The following RIOX2 variants were observed in gnomAD, a reference collection of about 807,000 sequenced individuals.
RIOX2 encodes ribosomal oxygenase 2.
RIOX2 carries 43 observed loss-of-function variants against 51.2 expected under a neutral mutation model. The ratio of observed to expected loss-of-function variants is 0.84; its 90% CI spans 0.66 to 1.08. The LOEUF (loss-of-function observed/expected upper bound fraction) is 1.08, where lower values mean the gene tolerates loss of function less well. RIOX2 is among the 50% of genes least tolerant of loss of function. The pLI, the probability that RIOX2 is intolerant of heterozygous loss-of-function variation, is 0.00. For missense variants in RIOX2, 566 were observed against 561.7 expected (o/e 1.01, Z -0.08); for synonymous variants, 226 against 218.5 (o/e 1.03, Z -0.30).
intron 3 of RIOX2, 94 bp from the exon 4 acceptor site, chr3:97,959,273 G>A (rs1705576049): frequency 1.3e-6 from 1 of 744,000 alleles, no homozygotes; most frequent in Non-Finnish European, 2.0e-6. Context: ...GGGGCTAATA[G>A]ACAAATATAT....
intron 1 of RIOX2, among the ~76,000 whole-genome samples, chr3:97,970,667 C>A (rs969320417): frequency 6.6e-6 from 1 of 152,156 alleles, no homozygotes; most frequent in Non-Finnish European, 1.5e-5. Flanking sequence ...GTAAATATTT[C>A]TGTAAAATCA....
intron 5 of RIOX2, chr3:97,951,231 TGA>T (rs886390260): frequency 9.0e-6 from 2 of 222,352 alleles, no homozygotes; most frequent in Admixed American, 1.1e-4. Flanking sequence ...AAAGTGTCTA[TGA>T]GGGGAGATTT....
chr3:97,965,702 C>CG (rs954602872), intron 2 of RIOX2, among the ~76,000 whole-genome samples: 3 of 152,086 alleles, frequency 2.0e-5, no homozygotes, highest in African/African-American at 7.2e-5. Context: ...AAAAGCCCTG[C>CG]GGGGGATGAT....
At chr3:97,965,528 G>C (rs948552177) in intron 2 of RIOX2, among the ~76,000 whole-genome samples, 7 of 145,318 alleles carry the variant, frequency 4.8e-5, no homozygotes, top group Admixed American at 2.7e-4. Flanking sequence ...AAAAAAAAAA[G>C]GCACATCCTA....
Position 97,945,796 on chromosome 3 carries a change from A to T in RIOX2, c.1239+2T>A, listed in dbSNP as rs754900434. 4.6e-5 allele frequency: 74 copies of T among 1,603,512 alleles called. No homozygotes were observed. In the Admixed American group the frequency reaches 1.2e-3, roughly 27 times the overall value. On this transcript the variant is annotated splice_donor_variant, in intron 9 of 9. Transcript: ENST00000394198. LOFTEE classifies it high-confidence loss of function. ...AGGCATTTGTTTTCAGTTGAAACAAACCTCTGTTTCCTCCTCATTTCCCAT... is the reference window on the plus strand; with the variant it reads ...AGGCATTTGTTTTCAGTTGAAACAATCCTCTGTTTCCTCCTCATTTCCCAT...
At chr3:97,966,216 TGAC>T (rs1173310511) in intron 2 of RIOX2, among the ~76,000 whole-genome samples, 1 of 152,200 alleles carries the variant, frequency 6.6e-6, no homozygotes, top group Non-Finnish European at 1.5e-5. Flanking sequence ...TATTGGTAAC[TGAC>T]GACAGAGCCC....
At chr3:97,952,887 T>G (rs1307800562) in intron 5 of RIOX2, among the ~76,000 whole-genome samples, 1 of 152,092 alleles carries the variant, frequency 6.6e-6, no homozygotes, top group Non-Finnish European at 1.5e-5. Context: ...TAATACAAAC[T>G]TGGGCCTTCT....
At position 97,944,495 on chromosome 3, in the gene RIOX2, T is replaced by C. The variant is rs1308159051; in HGVS notation, c.*689A>G. The C allele has an allele frequency of 5.3e-5, 8 of 152,380 alleles. No homozygotes were observed. The highest frequency in any genetic ancestry group is 8.8e-5 in the Non-Finnish European group (6 of 67,908). 9.4% of individuals were successfully genotyped at this position (152,380 alleles called of 1,614,324 possible). A position where few individuals can be genotyped will look rare whatever the true frequency, so the allele number is the denominator to read the frequency against. The stretch of plus-strand genomic sequence containing the variant: ...TTCTCCAATGATATTTTAAAAAATA[T>C]CAACCTACATGCACTTTAGAATGTA... On this transcript the variant is annotated 3_prime_UTR_variant, in exon 10 of 10. Transcript: ENST00000394198.
chr3:97,942,644 G>T lies in RIOX2; in HGVS notation c.*2540C>A. On this transcript the variant is annotated 3_prime_UTR_variant, in exon 10 of 10. Transcript: ENST00000394198. ...CCAAACAACAAAGCTTAGGGTTTTTGTTCATTAGTACAGTTGTAAAACTTT... is the reference window on the plus strand; with the variant it reads ...CCAAACAACAAAGCTTAGGGTTTTTTTTCATTAGTACAGTTGTAAAACTTT... The T allele has an allele frequency of 2.0e-6, 1 of 491,988 alleles. No individual in the cohort carries two copies. The highest frequency in any genetic ancestry group is 3.5e-6 in the Non-Finnish European group (1 of 281,704). 30.5% of individuals were successfully genotyped at this position (491,988 alleles called of 1,614,324 possible). A position where few individuals can be genotyped will look rare whatever the true frequency, so the allele number is the denominator to read the frequency against.
At chr3:97,955,075 T>A (rs910149871) in intron 4 of RIOX2, among the ~76,000 whole-genome samples, 2 of 152,064 alleles carry the variant, frequency 1.3e-5, no homozygotes, top group Admixed American at 1.3e-4. Context: ...TATCCGCCAG[T>A]CCCCCACTTC....
intron 2 of RIOX2, among the ~76,000 whole-genome samples, chr3:97,962,351 C>A: frequency 2.2e-5 from 2 of 91,626 alleles, no homozygotes; most frequent in Admixed American, 1.3e-4. Context: ...GTTTGGAATG[C>A]TAAGACCCCC....
chr3:97,947,755 G>A (rs1411030648), intron 7 of RIOX2, among the ~76,000 whole-genome samples: 1 of 152,126 alleles, frequency 6.6e-6, no homozygotes, highest in Non-Finnish European at 1.5e-5. Flanking sequence ...TAAGGCTGTG[G>A]TGCTTTCTGC....
intron 5 of RIOX2, among the ~76,000 whole-genome samples, chr3:97,953,590 C>T (rs955277191): frequency 6.6e-6 from 1 of 152,062 alleles, no homozygotes; most frequent in African/African-American, 2.4e-5. Context: ...ACCATGTTGG[C>T]CAGGCTGGTC....
rs1273057328 is a variant in RIOX2 at position 97,964,722 on chromosome 3, GAA to G, written c.432+2438_432+2439del. ...AAAAAAAAAAAAAAAAAAAAAAAAA[GAA>G]GGAAAGAAAAAAAAGAAAATGGAAC... On this transcript the variant is annotated intron_variant, in intron 2 of 9. Transcript: ENST00000394198. Among the ~76,000 whole-genome samples the G allele has an allele frequency of 2.8e-4, 14 of 49,424 alleles. No homozygotes were observed. In the East Asian group the frequency reaches 0.017, roughly 60 times the overall value. 32.4% of individuals were successfully genotyped at this position (49,424 alleles called of 152,430 possible).
intron 3 of RIOX2, among the ~76,000 whole-genome samples, chr3:97,959,783 C>T (rs764946310): frequency 2.5e-4 from 38 of 152,144 alleles, no homozygotes; most frequent in Non-Finnish European, 5.1e-4. Context: ...AGATACTAGT[C>T]TATCATCTAC....
At chr3:97,946,602 A>ATATATATATATATATATATATATATC (rs1028298878) in intron 8 of RIOX2, among the ~76,000 whole-genome samples, 4 of 137,334 alleles carry the variant, frequency 2.9e-5, no homozygotes, top group African/African-American at 1.1e-4. Context: ...ATATATATAT[A>ATATATATATATATATATATATATATC]TATATCTATT....
Position 97,945,254 on chromosome 3 carries a change from A to C in RIOX2, c.1328T>G (p.Leu443Arg). ...SPAISVKDLK[L>R]TTDEEKESLV... ...GCTTTCCTTTTCCTCATCTGTAGTA[A>C]GTTTCAGGTCCTTGACAGAAATAGC... Residue 443 changes from leucine (L) to arginine (R), a missense_variant, in exon 10 of 10, where the codon CTT (leucine) becomes CGT (arginine). Coordinates refer to ENST00000394198, the MANE Select transcript of RIOX2 (RefSeq NM_153182.4). 1 of 1,612,826 alleles carries C rather than the reference A, an allele frequency of 6.2e-7. No homozygotes were observed. The highest frequency in any genetic ancestry group is 2.2e-5 in the East Asian group (1 of 44,842).
At chr3:97,967,093 G>T in intron 2 of RIOX2, 69 bp downstream of exon 2, 1 of 1,513,784 alleles carries the variant, frequency 6.6e-7, no homozygotes, top group South Asian at 1.3e-5. Context: ...ATTCACCCTT[G>T]AGCTGATATG....
chr3:97,967,637 C>T lies in RIOX2; in HGVS notation c.-39-5G>A. On this transcript the variant is annotated splice_region_variant and splice_polypyrimidine_tract_variant and intron_variant, in intron 1 of 9. Coordinates refer to ENST00000394198, the MANE Select transcript of RIOX2 (RefSeq NM_153182.4). ...AAGCAGTAAGGAAATGCAAACCTAC[C>T]AAAAGAACAAAACACACATGGTTAG... The T allele has an allele frequency of 6.6e-7, 1 of 1,505,406 alleles. No homozygotes were observed. Among genetic ancestry groups the T allele is most frequent in the Non-Finnish European group, 8.8e-7 (1 of 1,133,394 alleles). 93.3% of individuals were successfully genotyped at this position (1,505,406 alleles called of 1,614,324 possible).
Sources: allele counts gnomAD v4.1 joint callset (sites outside exome capture counted in the v4.1 genomes callset), GRCh38; gene constraint gnomAD v4.1.1; transcripts MANE v1.5; gene names NCBI Gene and HGNC (gene_info 2026-07-23, HGNC 2026-07-21).